Variants in KDR observed in about 807,000 individuals in gnomAD.
The protein encoded by KDR is vascular endothelial growth factor receptor 2.
Under a neutral mutation model 160.9 loss-of-function variants are expected in KDR, and 43 were observed. The ratio of observed to expected loss-of-function variants is 0.27; its 90% CI spans 0.21 to 0.34. KDR has a LOEUF of 0.34. KDR is among the 10% of genes least tolerant of loss of function. The pLI, the probability that KDR is intolerant of heterozygous loss-of-function variation, is 1.00. For missense variants in KDR, 1,469 were observed against 1,666.4 expected (o/e 0.88, Z 2.06); for synonymous variants, 617 against 600.1 (o/e 1.03, Z -0.41).
chr4:55,122,093 T>G (rs945307543), intron 1 of KDR, among the ~76,000 whole-genome samples: 5 of 152,212 alleles, frequency 3.3e-5, no homozygotes, highest in African/African-American at 4.8e-5. Context: ...CTGAACTTAT[T>G]CATCAAAGCC....
intron 19 of KDR, 29 bp from the exon 20 acceptor site, chr4:55,095,694 T>C (rs1720134859): frequency 6.4e-7 from 1 of 1,559,878 alleles, no homozygotes; most frequent in South Asian, 1.1e-5. Flanking sequence ...GGAAGGAAAA[T>C]GGGTTTTCAC....
intron 18 of KDR, 100 bp from the exon 19 acceptor site, chr4:55,096,442 G>A (rs939068919): frequency 6.5e-5 from 51 of 788,202 alleles, no homozygotes; most frequent in South Asian, 1.4e-4. Context: ...CTTACCCTCC[G>A]GGGTAACACA....
At chr4:55,110,789 A>AT in intron 7 of KDR, 21 bp from the exon 8 acceptor site, 1 of 1,583,268 alleles carries the variant, frequency 6.3e-7, no homozygotes, top group Non-Finnish European at 8.7e-7. Context: ...ATAAAAAAAA[A>AT]AAAAGGTCAA....
At chr4:55,118,869 G>T in intron 2 of KDR, 69 bp from the exon 3 acceptor site, 1 of 1,398,478 alleles carries the variant, frequency 7.2e-7, no homozygotes, top group Non-Finnish European at 1.0e-6. Context: ...TAAGAAAAGA[G>T]AAAATTTGGT....
At chr4:55,120,768 T>C (rs1484288467) in intron 2 of KDR, among the ~76,000 whole-genome samples, 2 of 152,144 alleles carry the variant, frequency 1.3e-5, no homozygotes, top group African/African-American at 4.8e-5. Context: ...ATTTATTCAT[T>C]CATATTTATT....
intron 3 of KDR, among the ~76,000 whole-genome samples, chr4:55,118,019 T>A (rs556852045): frequency 1.2e-4 from 19 of 152,286 alleles, no homozygotes; most frequent in African/African-American, 4.6e-4. Flanking sequence ...ATACAGCATA[T>A]CATCCAAGAT....
intron 3 of KDR, among the ~76,000 whole-genome samples, chr4:55,117,494 C>T (rs1302219984): frequency 6.6e-6 from 1 of 152,206 alleles, no homozygotes; most frequent in Non-Finnish European, 1.5e-5. Context: ...ACAGTGCTTA[C>T]TCTGGGCAAA....
Position 55,087,718 on chromosome 4 carries a change from A to G in KDR, c.3551T>C (p.Leu1184Ser), listed in dbSNP as rs1719899230. 6.2e-7 allele frequency: 1 copy of G among 1,614,172 alleles called. No individual in the cohort carries two copies. Among genetic ancestry groups the G allele is most frequent in the African/African-American group, 1.3e-5 (1 of 75,058 alleles). The change falls in exon 27 of 30, where the codon TTG (leucine) becomes TCG (serine). Residue 1184 changes from leucine (L) to serine (S), a missense_variant. Around this residue, in one of 7 missense-constraint regions of KDR, gnomAD observed 132 missense variants for 195.9 expected, o/e 0.67. Transcript: ENST00000263923. Reference sequence around the variant, plus strand: ...GAGTCCAGAATCCTCTTCCATGCTCAAAGTCTCTGATATCGGAAGAACAAT... The same window carrying G: ...GAGTCCAGAATCCTCTTCCATGCTCGAAGTCTCTGATATCGGAAGAACAAT... ...DYIVLPISET[L>S]SMEEDSGLSL...
Position 55,113,460 on chromosome 4 carries a change from T to C in KDR, c.820A>G (p.Asn274Asp), listed in dbSNP as rs1313574063. ...SSKHQHKKLV[N>D]RDLKTQSGSE... is the part of the protein sequence containing the mutation. ...CCAGACTGGGTTTTTAGGTCTCGGTTTACAAGTTTCTTATGCTGATGCTGA... is the reference window on the plus strand; with the variant it reads ...CCAGACTGGGTTTTTAGGTCTCGGTCTACAAGTTTCTTATGCTGATGCTGA... The change falls in exon 7 of 30, where the codon AAC (asparagine) becomes GAC (aspartate). Residue 274 changes from asparagine (N) to aspartate (D), a missense_variant. By Grantham distance (23) the Asn-to-Asp change is conservative. This residue lies in a region of KDR where 792 missense variants were observed against 840.9 expected (regional missense o/e 0.94). Transcript: ENST00000263923. 1.2e-6 allele frequency: 2 copies of C among 1,613,988 alleles called. No individual in the cohort carries two copies. Among genetic ancestry groups the C allele is most frequent in the Admixed American group, 3.3e-5 (2 of 60,002 alleles).
chr4:55,094,156 C>T (rs1720090127), intron 21 of KDR, among the ~76,000 whole-genome samples: 1 of 152,120 alleles, frequency 6.6e-6, no homozygotes, highest in Non-Finnish European at 1.5e-5. Context: ...TTTCAGTGAG[C>T]CGAGATCGCA....
At chr4:55,080,344 C>T (rs1383254639) in intron 29 of KDR, among the ~76,000 whole-genome samples, 181 bp from the exon 30 acceptor site, 3 of 152,174 alleles carry the variant, frequency 2.0e-5, no homozygotes, top group Non-Finnish European at 4.4e-5. Context: ...TTCAGGTACT[C>T]GCATGAATTA....
intron 1 of KDR, among the ~76,000 whole-genome samples, chr4:55,122,034 G>A (rs955146020): frequency 2.6e-5 from 4 of 151,610 alleles, no homozygotes; most frequent in East Asian, 1.9e-4. Flanking sequence ...TTTTAAAAAC[G>A]TATATAAATT....
chr4:55,112,279 G>A (rs180989867), intron 7 of KDR, among the ~76,000 whole-genome samples: 15 of 151,956 alleles, frequency 9.9e-5, no homozygotes, highest in Admixed American at 7.2e-4. Flanking sequence ...CCTACTCAAC[G>A]TGAAGACAAG....
At chr4:55,097,829 C>T (rs570946461) in intron 17 of KDR, 63 bp from the exon 18 acceptor site, 85 of 1,144,766 alleles carry the variant, frequency 7.4e-5, no homozygotes, top group Middle Eastern at 1.9e-4. Context: ...CAAAGTGATA[C>T]GCAGAGACAT....
At chr4:55,112,609 A>G (rs1468206027) in intron 7 of KDR, among the ~76,000 whole-genome samples, 1 of 149,106 alleles carries the variant, frequency 6.7e-6, no homozygotes, top group Non-Finnish European at 1.5e-5. Context: ...GCTCACTGCA[A>G]CCTCCACCTC....
At chr4:55,096,670 C>T in intron 18 of KDR, 1 of 377,644 alleles carries the variant, frequency 2.6e-6, no homozygotes, top group Non-Finnish European at 5.0e-6. Flanking sequence ...ATTTCAGGTT[C>T]ACTATGATTC....
In KDR at chr4:55,113,387, G is replaced by A. The variant is rs1355954905; in HGVS notation, c.893C>T (p.Thr298Ile). 6.2e-7 allele frequency: 1 copy of A among 1,613,930 alleles called. No individual in the cohort carries two copies. Among genetic ancestry groups the A allele is most frequent in the Admixed American group, 1.7e-5 (1 of 59,996 alleles). The change falls in exon 7 of 30, where the codon ACC becomes ATC. Residue 298 changes from threonine to isoleucine, a missense_variant. Thr to Ile is a moderately conservative substitution (Grantham distance 89). This residue lies in a region of KDR where 792 missense variants were observed against 840.9 expected (regional missense o/e 0.94). Transcript: ENST00000263923. ...GGTGTACAATCCTTGGTCACTCCGG[G>A]TTACACCATCTATAGTTAAGGTGCT... ...FLSTLTIDGV[T>I]RSDQGLYTCA... is the part of the protein sequence containing the mutation.
chr4:55,102,533 A>G lies in KDR; in HGVS notation c.1988-25T>C, dbSNP rs781256613. On this transcript the variant is annotated intron_variant, in intron 13 of 29. Coordinates refer to ENST00000263923, the MANE Select transcript of KDR (RefSeq NM_002253.4). ...TCTAGACACACAAAAAGAAAATCACAGAACATGGAATTATAACTTTTGAAA... is the reference window on the plus strand; with the variant it reads ...TCTAGACACACAAAAAGAAAATCACGGAACATGGAATTATAACTTTTGAAA... 4 of 1,613,182 alleles carry G rather than the reference A, an allele frequency of 2.5e-6. No individual in the cohort carries two copies. The South Asian group carries it at 4.4e-5, about 18-fold the overall frequency.
In KDR at chr4:55,110,560, T is replaced by TTTA; in HGVS notation, c.1095_1097dup (p.Tyr365_Lys366insAsn). On this transcript the variant is annotated inframe_insertion, in exon 9 of 30. Coordinates refer to ENST00000263923, the MANE Select transcript of KDR (RefSeq NM_002253.4). Reference sequence around the variant, plus strand: ...GATTGGACTCAAGGGGTATTCCATTTTTATACCTATGAAAAAAAATTCTCA... The same window carrying TTTA: ...GATTGGACTCAAGGGGTATTCCATTTTTATTATACCTATGAAAAAAAATTCTCA... 1 of 1,613,964 alleles carries TTTA rather than the reference T, an allele frequency of 6.2e-7. No individual in the cohort carries two copies. The highest frequency in any genetic ancestry group is 8.5e-7 in the Non-Finnish European group (1 of 1,179,910).
Sources: allele counts gnomAD v4.1 joint callset (sites outside exome capture counted in the v4.1 genomes callset), GRCh38; gene constraint gnomAD v4.1.1; regional missense constraint gnomAD v4.1.1; transcripts MANE v1.5; gene names NCBI Gene and HGNC (gene_info 2026-07-23, HGNC 2026-07-21).